ATF7: variants seen among roughly 807,000 people sequenced by gnomAD.
ATF7 encodes cyclic AMP-dependent transcription factor ATF-7.
ATF7 carries 10 observed loss-of-function variants against 50.4 expected under a neutral mutation model. The observed-to-expected ratio is 0.20, with a 90% CI of 0.12 to 0.34. The LOEUF is 0.34. Ranked by LOEUF, ATF7 falls within the 10% of genes least tolerant of loss-of-function variation. ATF7 has a pLI of 1.00. For synonymous variants in ATF7, 201 were observed against 226.4 expected (o/e 0.89, Z 1.01); for missense variants, 465 against 613.9 (o/e 0.76, Z 2.56).
At chr12:53,605,661 C>T (rs886597699) in intron 1 of ATF7, among the ~76,000 whole-genome samples, 8 of 152,126 alleles carry the variant, frequency 5.3e-5, no homozygotes, top group African/African-American at 1.9e-4. Flanking sequence ...TTTAGATTAA[C>T]AGCAGATAAC....
downstream of ATF7, among the ~76,000 whole-genome samples, chr12:53,509,481 A>T (rs1944088399): frequency 1.3e-5 from 2 of 149,112 alleles, no homozygotes; most frequent in South Asian, 4.3e-4. Flanking sequence ...TTTTGAAGAG[A>T]GAGTTCATTC....
chr12:53,527,505 C>T (rs1159193763), intron 9 of ATF7, among the ~76,000 whole-genome samples: 2 of 151,940 alleles, frequency 1.3e-5, no homozygotes, highest in African/African-American at 2.4e-5. Flanking sequence ...AAAAAAGATG[C>T]TGGGCATGGT....
intron 2 of ATF7, among the ~76,000 whole-genome samples, chr12:53,566,129 G>A (rs1195383175): frequency 2.6e-5 from 4 of 152,160 alleles, no homozygotes; most frequent in South Asian, 2.1e-4. Flanking sequence ...CTTCCCATTA[G>A]GTCCCTCCCA....
intron 1 of ATF7, 194 bp downstream of exon 1, chr12:53,626,085 G>A (rs1944594614): frequency 6.6e-6 from 1 of 152,304 alleles, no homozygotes; most frequent in African/African-American, 2.4e-5. Context: ...GCCAATCGAG[G>A]CTTCCTTCTC....
At chr12:53,582,419 T>C (rs1942470272) in intron 2 of ATF7, among the ~76,000 whole-genome samples, 1 of 151,402 alleles carries the variant, frequency 6.6e-6, no homozygotes, top group South Asian at 2.1e-4. Flanking sequence ...GAGGATTGCT[T>C]GAGACTAGGA....
chr12:53,535,333 A>AAAAAAAAAAAAAAAAAAG (rs1939155808), intron 5 of ATF7, among the ~76,000 whole-genome samples: 2 of 151,324 alleles, frequency 1.3e-5, no homozygotes, highest in Non-Finnish European at 2.9e-5. Flanking sequence ...TGCCTCAAAA[A>AAAAAAAAAAAAAAAAAAG]AAAAAAAAAA....
intron 11 of ATF7, among the ~76,000 whole-genome samples, chr12:53,519,272 C>A (rs1937942055): frequency 6.6e-6 from 1 of 152,196 alleles, no homozygotes; most frequent in Non-Finnish European, 1.5e-5. Flanking sequence ...ACTGGGATAT[C>A]TATCCTTACC....
At chr12:53,595,204 A>AT (rs1293721628) in intron 2 of ATF7, among the ~76,000 whole-genome samples, 6 of 152,122 alleles carry the variant, frequency 3.9e-5, no homozygotes, top group South Asian at 2.1e-4. Flanking sequence ...AAAAAGGCTT[A>AT]TTTTTTTGCC....
chr12:53,544,958 C>A (rs1328782114), intron 3 of ATF7, among the ~76,000 whole-genome samples: 1 of 152,284 alleles, frequency 6.6e-6, no homozygotes, highest in East Asian at 1.9e-4. Context: ...AACGATAAAG[C>A]CACTTTCCCT....
At chr12:53,533,753 T>C (rs1191973709) in intron 6 of ATF7, among the ~76,000 whole-genome samples, 2 of 152,150 alleles carry the variant, frequency 1.3e-5, no homozygotes, top group African/African-American at 4.8e-5. Flanking sequence ...GACAACAGCC[T>C]CTTAACCCAT....
intron 2 of ATF7, among the ~76,000 whole-genome samples, chr12:53,598,010 T>G (rs1481940822): frequency 6.6e-6 from 1 of 152,140 alleles, no homozygotes; most frequent in Non-Finnish European, 1.5e-5. Flanking sequence ...AAGAAAGAAC[T>G]TGAATCAATG....
In ATF7 at chr12:53,533,266, G is replaced by A. The variant is rs1939013940; in HGVS notation, c.561-7C>T. 2.5e-6 allele frequency: 4 copies of A among 1,596,920 alleles called. No homozygotes were observed. Among genetic ancestry groups the A allele is most frequent in the Admixed American group, 3.3e-5 (2 of 59,956 alleles). On this transcript the variant is annotated splice_polypyrimidine_tract_variant and splice_region_variant and intron_variant, in intron 6 of 11. Coordinates refer to ENST00000420353, the MANE Select transcript of ATF7 (RefSeq NM_006856.3). ...GAGGGAGCCAGTGGGAGACCTAGAG[G>A]AGACATGAAGTGAAATGCTCATAAC...
At chr12:53,594,686 A>C (rs1943080145) in intron 2 of ATF7, among the ~76,000 whole-genome samples, 1 of 152,132 alleles carries the variant, frequency 6.6e-6, no homozygotes, top group Non-Finnish European at 1.5e-5. Flanking sequence ...TCAGGAGTTC[A>C]AGACCAGCCT....
At chr12:53,596,330 T>C (rs1460104813) in intron 2 of ATF7, among the ~76,000 whole-genome samples, 1 of 151,890 alleles carries the variant, frequency 6.6e-6, no homozygotes, top group African/African-American at 2.4e-5. Context: ...AGGATGGAGG[T>C]GATACAAAAT....
chr12:53,528,496 C>T (rs957307632), intron 9 of ATF7, among the ~76,000 whole-genome samples: 4 of 151,384 alleles, frequency 2.6e-5, no homozygotes, highest in African/African-American at 9.7e-5. Context: ...GGTGTGGTGG[C>T]TCACGCCTGT....
downstream of ATF7, chr12:53,512,036 T>G (rs1335034184): frequency 6.6e-6 from 1 of 151,616 alleles, no homozygotes; most frequent in Non-Finnish European, 1.5e-5. Context: ...GATAGAGGAG[T>G]GAAGCATCAG....
chr12:53,550,037 A>ATT (rs1940228472), intron 3 of ATF7, among the ~76,000 whole-genome samples: 1 of 152,028 alleles, frequency 6.6e-6, no homozygotes, highest in African/African-American at 2.4e-5. Context: ...TTTAAAGAGA[A>ATT]AAGGGCCCAG....
chr12:53,531,368 G>A (rs575004615), intron 9 of ATF7, among the ~76,000 whole-genome samples: 77 of 150,788 alleles, frequency 5.1e-4, no homozygotes, highest in African/African-American at 1.7e-3. Context: ...GTTGCAGTGA[G>A]CTGAGACTGC....
intron 2 of ATF7, among the ~76,000 whole-genome samples, chr12:53,590,116 C>T (rs1677261133): frequency 6.6e-6 from 1 of 152,102 alleles, no homozygotes. Context: ...GCTTATCTTG[C>T]ACATCCTCAT....
Sources: gnomAD v4.1 joint callset for allele counts (sites outside exome capture counted in the v4.1 genomes callset) on GRCh38, gnomAD v4.1.1 for gene constraint, MANE v1.5 for transcripts, NCBI Gene and HGNC (gene_info 2026-07-23, HGNC 2026-07-21) for gene names.